Variants in UBTD2 observed in about 807,000 individuals in gnomAD.
UBTD2 encodes the protein ubiquitin domain containing 2.
In UBTD2, 9 loss-of-function variants were observed where a neutral mutation model predicts 19.8. The observed-to-expected ratio is 0.46, with a 90% confidence interval of 0.27 to 0.79. The LOEUF (loss-of-function observed/expected upper bound fraction) is 0.79. Ranked by LOEUF, UBTD2 falls within the 30% of genes least tolerant of loss-of-function variation. The pLI is 0.14. For missense variants in UBTD2, 250 were observed against 300.4 expected, an observed-to-expected ratio of 0.83 and a Z score of 1.24; for synonymous variants, 98 against 103.9, an observed-to-expected ratio of 0.94 and a Z score of 0.35.
At chr5:172,274,914 T>C (rs535001013) in intron 1 of UBTD2, among the ~76,000 whole-genome samples, 1 of 152,252 alleles carries the variant, frequency 6.6e-6, no homozygotes, top group East Asian at 1.9e-4. Context: ...CGGGCGCCTG[T>C]AGTCCCAGCT....
At chr5:172,249,719 T>C (rs1305750073) in intron 1 of UBTD2, among the ~76,000 whole-genome samples, 1 of 152,078 alleles carries the variant, frequency 6.6e-6, no homozygotes, top group African/African-American at 2.4e-5. Flanking sequence ...TAAATCTAAA[T>C]GCATAAAGAT....
intron 1 of UBTD2, among the ~76,000 whole-genome samples, chr5:172,235,845 A>C (rs1771997941): frequency 6.6e-6 from 1 of 152,230 alleles, no homozygotes; most frequent in African/African-American, 2.4e-5. Flanking sequence ...CTGGATGAAA[A>C]GATAAGAAGA....
chr5:172,234,016 A>C, intron 2 of UBTD2, 106 bp downstream of exon 2: 1 of 1,155,704 alleles, frequency 8.7e-7, no homozygotes, highest in Non-Finnish European at 1.3e-6. Flanking sequence ...TAAAAAAAAA[A>C]GTTAGAATAA....
chr5:172,225,238 C>T (rs1347036728), intron 2 of UBTD2, among the ~76,000 whole-genome samples: 1 of 152,204 alleles, frequency 6.6e-6, no homozygotes, highest in East Asian at 1.9e-4. Flanking sequence ...AAGTCTCCAC[C>T]TTCTGTTCTG....
At chr5:172,279,046 G>A (rs1278454118) in intron 1 of UBTD2, among the ~76,000 whole-genome samples, 1 of 152,162 alleles carries the variant, frequency 6.6e-6, no homozygotes, top group African/African-American at 2.4e-5. Context: ...CCAATGTGGT[G>A]CGAATGCAGG....
intron 1 of UBTD2, among the ~76,000 whole-genome samples, chr5:172,260,863 C>T (rs573520430): frequency 2.6e-5 from 4 of 152,074 alleles, no homozygotes; most frequent in African/African-American, 4.8e-5. Flanking sequence ...TGAACTACTC[C>T]GATTCATTTA....
intron 1 of UBTD2, among the ~76,000 whole-genome samples, chr5:172,243,146 A>G (rs1488939743): frequency 1.4e-5 from 2 of 142,212 alleles, no homozygotes; most frequent in Admixed American, 1.4e-4. Flanking sequence ...TTTTTTTTTA[A>G]TATTTGAATA....
intron 2 of UBTD2, among the ~76,000 whole-genome samples, chr5:172,225,670 C>T (rs1771749306): frequency 6.6e-6 from 1 of 152,164 alleles, no homozygotes; most frequent in South Asian, 2.1e-4. Flanking sequence ...GTTATCTTGA[C>T]TGTGGGGAGT....
At chr5:172,273,877 ATCT>A (rs1166136037) in intron 1 of UBTD2, among the ~76,000 whole-genome samples, 1 of 152,014 alleles carries the variant, frequency 6.6e-6, no homozygotes, top group Admixed American at 6.6e-5. Flanking sequence ...TTCAACCTAT[ATCT>A]TCTTGCTGCC....
intron 1 of UBTD2, among the ~76,000 whole-genome samples, chr5:172,238,173 C>T (rs914423412): frequency 6.6e-6 from 1 of 152,184 alleles, no homozygotes; most frequent in African/African-American, 2.4e-5. Context: ...ATTTTATGCT[C>T]TTAAACTTTC....
chr5:172,263,111 T>C (rs374187444), intron 1 of UBTD2, among the ~76,000 whole-genome samples: 1 of 152,070 alleles, frequency 6.6e-6, no homozygotes, highest in African/African-American at 2.4e-5. Flanking sequence ...TTAATTTTTT[T>C]GTACAGACAG....
chr5:172,265,606 G>T (rs912582359), intron 1 of UBTD2, among the ~76,000 whole-genome samples: 1 of 152,196 alleles, frequency 6.6e-6, no homozygotes, highest in African/African-American at 2.4e-5. Flanking sequence ...TGGGATTACA[G>T]GCGTGAGCCA....
chr5:172,247,925 A>G (rs567677295), intron 1 of UBTD2, among the ~76,000 whole-genome samples: 3 of 152,330 alleles, frequency 2.0e-5, no homozygotes, highest in African/African-American at 7.2e-5. Context: ...ACTATATGTT[A>G]GACCACAAAA....
At chr5:172,244,064 C>T (rs765732810) in intron 1 of UBTD2, among the ~76,000 whole-genome samples, 18 of 151,988 alleles carry the variant, frequency 1.2e-4, no homozygotes, top group Non-Finnish European at 2.4e-4. Flanking sequence ...TATTTGGGCC[C>T]ATGCCTAATC....
At chr5:172,247,178 T>C (rs1754899634) in intron 1 of UBTD2, among the ~76,000 whole-genome samples, 1 of 152,056 alleles carries the variant, frequency 6.6e-6, no homozygotes, top group Admixed American at 6.6e-5. Flanking sequence ...AATAGAATCA[T>C]GCAAATACTA....
rs1265254361 is a variant in UBTD2 at position 172,283,080 on chromosome 5, G to C, written c.70+516C>G. On this transcript the variant is annotated intron_variant, in intron 1 of 2. Coordinates refer to ENST00000393792, the MANE Select transcript of UBTD2 (RefSeq NM_152277.3). This position sits in a 1 kb window ranked among gnomAD's most constrained non-coding sequence, Gnocchi z 4.3. Reference sequence around the variant, plus strand: ...TCCTCCAGCCGAGCTCCAGAAACTCGCAGGTTTAAATGGCCAATCTGGAAC... The same window carrying C: ...TCCTCCAGCCGAGCTCCAGAAACTCCCAGGTTTAAATGGCCAATCTGGAAC... Among the ~76,000 whole-genome samples the C allele has an allele frequency of 6.6e-6, 1 of 151,986 alleles. No homozygotes were observed. Among genetic ancestry groups the C allele is most frequent in the Non-Finnish European group, 1.5e-5 (1 of 68,014 alleles).
chr5:172,277,067 C>CAAAAAAAAAAAAA (rs56277139), intron 1 of UBTD2, among the ~76,000 whole-genome samples: 1 of 65,098 alleles, frequency 1.5e-5, no homozygotes, highest in Non-Finnish European at 2.7e-5. Context: ...GACTCTGTCT[C>CAAAAAAAAAAAAA]AAAAAAAAAA....
intron 1 of UBTD2, among the ~76,000 whole-genome samples, chr5:172,253,948 T>C (rs1236359583): frequency 6.6e-6 from 1 of 152,182 alleles, no homozygotes; most frequent in Non-Finnish European, 1.5e-5. Flanking sequence ...CTTTAGGTCT[T>C]ACCCATGGTA....
intron 2 of UBTD2, among the ~76,000 whole-genome samples, chr5:172,225,992 G>C (rs552121465): frequency 2.7e-5 from 4 of 147,076 alleles, no homozygotes; most frequent in African/African-American, 1.0e-4. Flanking sequence ...TGCTGGAGGA[G>C]AGTGGCACAA....
Sources: allele counts gnomAD v4.1 joint callset (sites outside exome capture counted in the v4.1 genomes callset), GRCh38; gene constraint gnomAD v4.1.1; non-coding constraint Gnocchi (gnomAD v3.1); transcripts MANE v1.5; gene names NCBI Gene and HGNC (gene_info 2026-07-23, HGNC 2026-07-21).